The following G3BP2 variants were observed in gnomAD, a reference collection of about 807,000 sequenced individuals.
G3BP2 encodes the protein ras GTPase-activating protein-binding protein 2.
In G3BP2, 11 loss-of-function variants were observed where a neutral mutation model predicts 56.7. The observed-to-expected ratio is 0.19, with a 90% CI of 0.12 to 0.32. The LOEUF (loss-of-function observed/expected upper bound fraction) is 0.32, where lower values mean the gene tolerates loss of function less well. Among genes scored for constraint, G3BP2 ranks in the 10% least tolerant of loss-of-function variants. G3BP2 has a pLI of 1.00. For synonymous variants in G3BP2, 165 were observed against 191.6 expected, an observed-to-expected ratio of 0.86 and a Z score of 1.15; for missense variants, 340 against 610.9, an observed-to-expected ratio of 0.56 and a Z score of 4.67.
At chr4:75,667,227 T>C (rs1470315679) in intron 1 of G3BP2, among the ~76,000 whole-genome samples, 1 of 149,580 alleles carries the variant, frequency 6.7e-6, no homozygotes, top group East Asian at 2.0e-4. Flanking sequence ...AAGTCAAGGC[T>C]GCAGCGAGCC....
At chr4:75,721,811 C>T (rs1323399785) in intron 2 of G3BP2, among the ~76,000 whole-genome samples, 1 of 152,008 alleles carries the variant, frequency 6.6e-6, no homozygotes, top group Non-Finnish European at 1.5e-5. Flanking sequence ...AATTTCAAAC[C>T]AATGAATTTT....
upstream of G3BP2, among the ~76,000 whole-genome samples, chr4:75,678,296 T>TTGTGTG (rs57550763): frequency 5.0e-4 from 72 of 144,570 alleles, no homozygotes; most frequent in East Asian, 1.1e-3. Context: ...CGTGCCTAGC[T>TTGTGTG]TGTGTGTGTG....
At chr4:75,670,860 A>T (rs1733427754) in intron 1 of G3BP2, among the ~76,000 whole-genome samples, 1 of 152,188 alleles carries the variant, frequency 6.6e-6, no homozygotes, top group African/African-American at 2.4e-5. Flanking sequence ...AAGAGCAGCC[A>T]GCTCTTCCAA....
upstream of G3BP2, chr4:75,673,633 C>T (rs1026648705): frequency 3.3e-6 from 4 of 1,230,266 alleles, no homozygotes; most frequent in African/African-American, 4.7e-5. Flanking sequence ...GATAAGAGTC[C>T]GCTGATTTGA....
At chr4:75,701,881 C>G (rs957339790) in intron 3 of G3BP2, among the ~76,000 whole-genome samples, 3 of 152,168 alleles carry the variant, frequency 2.0e-5, no homozygotes, top group African/African-American at 7.2e-5. Context: ...GAATATGCCA[C>G]TATGGCATAA....
At chr4:75,657,918 T>C (rs1475929113) in intron 3 of G3BP2, among the ~76,000 whole-genome samples, 188 bp from the exon 4 acceptor site, 1 of 152,234 alleles carries the variant, frequency 6.6e-6, no homozygotes, top group African/African-American at 2.4e-5. Context: ...ACAATAGCTC[T>C]CCAATATTGT....
Position 75,684,443 on chromosome 4 carries a change from CATAA to C in G3BP2, c.-24-22398_-24-22395del, listed in dbSNP as rs947437459. Among the ~76,000 whole-genome samples, 67 of 151,654 alleles carry C rather than the reference CATAA, an allele frequency of 4.4e-4. No individual in the cohort carries two copies. The East Asian group carries it at 0.012, about 27-fold the overall frequency. ...AAATAAAAATAATAAAAATAAAAAT[CATAA>C]ATAAAAAAATAAAAAATATAACAAG... On this transcript the variant is annotated intron_variant, in intron 3 of 3. Transcript: ENST00000499709.
intron 3 of G3BP2, 90 bp downstream of exon 3, chr4:75,658,752 GA>G: frequency 4.0e-5 from 32 of 790,306 alleles, no homozygotes; most frequent in South Asian, 4.6e-5. Context: ...AAGAAAGAAA[GA>G]AAAAAAAAGC....
chr4:75,658,799 T>A (rs200663444), intron 3 of G3BP2, 44 bp downstream of exon 3: 3 of 1,202,394 alleles, frequency 2.5e-6, no homozygotes, highest in Non-Finnish European at 3.7e-6. Flanking sequence ...AAAATCTCCA[T>A]CTTAACACAA....
rs1560623832 is a variant in G3BP2, at chr4:75,665,643, AAACACACAAACAAACACACAC to A, written c.-24-3615_-24-3595del. On this transcript the variant is annotated intron_variant, in intron 1 of 11. Transcript: ENST00000359707. ...AACACACAAACACACACACACACAC[AAACACACAAACAAACACACAC>A]ACACACACACACACACACACAGCTA... 8.6e-3 allele frequency among the ~76,000 whole-genome samples: 277 copies of A among 32,130 alleles called. 1 individual carries two copies. The highest frequency in any genetic ancestry group is 0.015 in the Non-Finnish European group (208 of 13,460). The allele number at this position is 32,130 out of a possible 152,430, so 21.1% of individuals were successfully genotyped here. A position where few individuals can be genotyped will look rare whatever the true frequency, so the allele number is the denominator to read the frequency against.
chr4:75,665,652 AACAAACACAC>A (rs367921936), intron 1 of G3BP2, among the ~76,000 whole-genome samples: 21,636 of 61,178 alleles, frequency 0.35, 2,051 homozygotes, highest in African/African-American at 0.39. Flanking sequence ...CAAACACACA[AACAAACACAC>A]ACACACACAC....
intron 3 of G3BP2, among the ~76,000 whole-genome samples, chr4:75,711,469 T>C (rs919710261): frequency 1.3e-5 from 2 of 151,852 alleles, no homozygotes; most frequent in East Asian, 3.9e-4. Context: ...TCCCAGCACT[T>C]TGGGAGGCCA....
rs56793255 is a variant in G3BP2, at chr4:75,697,932, TCAAA to T, written c.-25+22941_-25+22944del. On this transcript the variant is annotated intron_variant, in intron 3 of 3. Transcript: ENST00000499709. ...CTGGGCAACAGAGTGAAACTTCATC[TCAAA>T]CAAACAAACAAAAAACACAAAAAAA... Among the ~76,000 whole-genome samples, 4 of 151,378 alleles carry T rather than the reference TCAAA, an allele frequency of 2.6e-5. No individual in the cohort carries two copies. The South Asian group carries it at 6.2e-4, about 24-fold the overall frequency.
At chr4:75,659,317 C>G (rs1732362516) in intron 2 of G3BP2, among the ~76,000 whole-genome samples, 1 of 152,108 alleles carries the variant, frequency 6.6e-6, no homozygotes, top group South Asian at 2.1e-4. Flanking sequence ...ACTCAGCTAC[C>G]TAGATTTGTT....
At chr4:75,653,745 A>G (rs1731889457) in intron 8 of G3BP2, among the ~76,000 whole-genome samples, 1 of 152,176 alleles carries the variant, frequency 6.6e-6, no homozygotes, top group Admixed American at 6.5e-5. Flanking sequence ...TTAAATGACA[A>G]TATTATATAC....
chr4:75,656,284 G>A (rs1405065742), intron 5 of G3BP2, among the ~76,000 whole-genome samples: 2 of 123,914 alleles, frequency 1.6e-5, no homozygotes, highest in African/African-American at 3.4e-5. Flanking sequence ...GAGCCACCGC[G>A]CTCGGCTCCA....
At chr4:75,654,956 A>G (rs1731977003) in intron 7 of G3BP2, 110 bp downstream of exon 7, 1 of 733,778 alleles carries the variant, frequency 1.4e-6, no homozygotes, top group Non-Finnish European at 2.2e-6. Context: ...TTTCATATAC[A>G]TAAAATAATT....
intron 1 of G3BP2, among the ~76,000 whole-genome samples, chr4:75,662,981 C>T (rs1732686600): frequency 6.6e-6 from 1 of 152,146 alleles, no homozygotes; most frequent in Admixed American, 6.5e-5. Flanking sequence ...GATTAATCAC[C>T]AGCTATAACT....
At chr4:75,668,336 AT>A (rs1474284698) in intron 1 of G3BP2, among the ~76,000 whole-genome samples, 6 of 152,204 alleles carry the variant, frequency 3.9e-5, no homozygotes, top group Non-Finnish European at 8.8e-5. Flanking sequence ...GGTAAGAAAC[AT>A]TTAGGTTTTT....
Sources: allele counts gnomAD v4.1 joint callset (sites outside exome capture counted in the v4.1 genomes callset), GRCh38; gene constraint gnomAD v4.1.1; transcripts MANE v1.5; gene names NCBI Gene and HGNC (gene_info 2026-07-23, HGNC 2026-07-21).